The following ADAMTSL1 variants were observed in gnomAD, a reference collection of about 807,000 sequenced individuals.
The protein encoded by ADAMTSL1 is ADAMTS like 1.
In ADAMTSL1, 126 loss-of-function variants were observed where a neutral mutation model predicts 201.8. The ratio of observed to expected loss-of-function variants is 0.62; its 90% CI spans 0.54 to 0.72. ADAMTSL1 has a LOEUF of 0.72. ADAMTSL1 is among the 30% of genes least tolerant of loss of function. The pLI is 0.00. For synonymous variants in ADAMTSL1, 1,121 were observed against 903.4 expected (o/e 1.24, Z -4.32); for missense variants, 2,679 against 2,277.8 (o/e 1.18, Z -3.59).
At chr9:18,445,765 T>C (rs533061156) in intron 2 of ADAMTSL1, among the ~76,000 whole-genome samples, 1 of 152,292 alleles carries the variant, frequency 6.6e-6, no homozygotes, top group East Asian at 1.9e-4. Flanking sequence ...TACTTGAATG[T>C]ATTTAGAAAA....
At chr9:18,766,098 C>G (rs919138896) in intron 16 of ADAMTSL1, among the ~76,000 whole-genome samples, 1 of 152,034 alleles carries the variant, frequency 6.6e-6, no homozygotes, top group Non-Finnish European at 1.5e-5. Flanking sequence ...GGGGGGGTGT[C>G]GTAAAATATA....
At position 18,888,081 on chromosome 9, in the gene ADAMTSL1, C is replaced by T. The variant is rs370828900; in HGVS notation, c.4462+38C>T. ...GCAGACTTTGCATACTGGACTTGAA[C>T]AAGAAAGCCCACTTGGGAATCTAAC... On this transcript the variant is annotated intron_variant, in intron 24 of 28. Transcript: ENST00000380548. The T allele has an allele frequency of 1.1e-5, 17 of 1,580,844 alleles. No individual in the cohort carries two copies. The African/African-American group carries it at 2.2e-4, about 20-fold the overall frequency.
chr9:18,595,674 C>T (rs557656149), intron 4 of ADAMTSL1, among the ~76,000 whole-genome samples: 6 of 152,340 alleles, frequency 3.9e-5, no homozygotes, highest in Admixed American at 1.3e-4. Flanking sequence ...GGGCAAATTT[C>T]GGGTCCACTG....
chr9:17,944,045 T>A, intron 1 of ADAMTSL1, among the ~76,000 whole-genome samples: 1 of 150,696 alleles, frequency 6.6e-6, no homozygotes, highest in Non-Finnish European at 1.5e-5. Flanking sequence ...CACCCTATGA[T>A]TCAAACACCT....
At chr9:18,865,419 T>G (rs1827468273) in intron 23 of ADAMTSL1, among the ~76,000 whole-genome samples, 2 of 152,232 alleles carry the variant, frequency 1.3e-5, no homozygotes, top group Non-Finnish European at 2.9e-5. Context: ...ATGTGCCACA[T>G]TTTCTTAATC....
chr9:18,417,973 C>A (rs1406870248), intron 2 of ADAMTSL1, among the ~76,000 whole-genome samples: 2 of 152,098 alleles, frequency 1.3e-5, no homozygotes, highest in Non-Finnish European at 2.9e-5. Context: ...AAATCAAACT[C>A]AGCAATACAG....
intron 2 of ADAMTSL1, among the ~76,000 whole-genome samples, chr9:18,232,442 C>T (rs929363479): frequency 1.3e-5 from 2 of 152,118 alleles, no homozygotes; most frequent in East Asian, 1.9e-4. Flanking sequence ...TATGTTTTTC[C>T]GTTTAAAACT....
At chr9:18,109,222 A>C (rs553471653) in intron 1 of ADAMTSL1, among the ~76,000 whole-genome samples, 20 of 152,164 alleles carry the variant, frequency 1.3e-4, no homozygotes, top group African/African-American at 4.8e-4. Context: ...GGCCATTCCT[A>C]TGTGTTACAC....
chr9:18,141,315 T>A (rs1394736625), intron 1 of ADAMTSL1, among the ~76,000 whole-genome samples: 1 of 152,122 alleles, frequency 6.6e-6, no homozygotes, highest in East Asian at 1.9e-4. Flanking sequence ...AAGGCAGCAG[T>A]GCCTTAACAG....
chr9:18,779,232 G>A (rs535749600), intron 19 of ADAMTSL1, among the ~76,000 whole-genome samples: 193 of 152,274 alleles, frequency 1.3e-3, no homozygotes, highest in African/African-American at 4.6e-3. Context: ...GAAGAGTTCT[G>A]TCTACTCTTC....
intron 2 of ADAMTSL1, among the ~76,000 whole-genome samples, chr9:18,197,858 T>C (rs1418923680): frequency 6.6e-6 from 1 of 151,950 alleles, no homozygotes; most frequent in Non-Finnish European, 1.5e-5. Flanking sequence ...CTTCAAACTA[T>C]ACTACAAGGC....
In ADAMTSL1 at chr9:18,197,804, A is replaced by G. The variant is rs555570578; in HGVS notation, c.207+33823A>G. On this transcript the variant is annotated intron_variant, in intron 2 of 29. Coordinates refer to the ADAMTSL1 transcript ENST00000680146. ...AAAAAGAGCCCGCATCGCCAAGTCA[A>G]TCCTAAGGCAAAAGAACAAAGCTGG... Among the ~76,000 whole-genome samples the G allele has an allele frequency of 5.6e-4, 85 of 152,220 alleles. No individual in the cohort carries two copies. The Middle Eastern group carries it at 0.01, about 18-fold the overall frequency.
At chr9:18,098,659 A>T (rs1454499157) in intron 1 of ADAMTSL1, among the ~76,000 whole-genome samples, 1 of 152,182 alleles carries the variant, frequency 6.6e-6, no homozygotes, top group East Asian at 1.9e-4. Flanking sequence ...CATGCTAACA[A>T]CTTCATTTCC....
intron 2 of ADAMTSL1, among the ~76,000 whole-genome samples, chr9:18,323,529 C>T (rs1834709965): frequency 6.6e-6 from 1 of 151,610 alleles, no homozygotes; most frequent in Non-Finnish European, 1.5e-5. Flanking sequence ...TAAGTCAGCA[C>T]AAAAAGAAAA....
At chr9:18,645,750 C>T (rs1418642727) in intron 7 of ADAMTSL1, among the ~76,000 whole-genome samples, 2 of 145,532 alleles carry the variant, frequency 1.4e-5, no homozygotes, top group Non-Finnish European at 3.0e-5. Context: ...TGATCTATAT[C>T]TCTGTTTTGG....
intron 1 of ADAMTSL1, among the ~76,000 whole-genome samples, chr9:18,143,838 C>G (rs1326376481): frequency 6.6e-6 from 1 of 152,140 alleles, no homozygotes; most frequent in Non-Finnish European, 1.5e-5. Context: ...TGCACAAAGC[C>G]ACATTTCCTT....
intron 2 of ADAMTSL1, among the ~76,000 whole-genome samples, chr9:18,220,095 T>A (rs1830200016): frequency 6.6e-6 from 1 of 152,186 alleles, no homozygotes; most frequent in Admixed American, 6.5e-5. Context: ...ATAGTTGTTT[T>A]CTGAACATTT....
chr9:18,582,194 G>C (rs1169383386), intron 4 of ADAMTSL1, among the ~76,000 whole-genome samples: 1 of 152,136 alleles, frequency 6.6e-6, no homozygotes, highest in Non-Finnish European at 1.5e-5. Flanking sequence ...CCTGTTACCA[G>C]AGCACACTAC....
intron 2 of ADAMTSL1, among the ~76,000 whole-genome samples, chr9:18,425,934 G>T (rs1235662334): frequency 6.6e-6 from 1 of 151,850 alleles, no homozygotes; most frequent in African/African-American, 2.4e-5. Flanking sequence ...AAGGTAAAGG[G>T]TGAAAAGATG....
Sources: gnomAD v4.1 joint callset for allele counts (sites outside exome capture counted in the v4.1 genomes callset) on GRCh38, gnomAD v4.1.1 for gene constraint, MANE v1.5 for transcripts, NCBI Gene and HGNC (gene_info 2026-07-23, HGNC 2026-07-21) for gene names.